The following DOCK1 variants were observed in gnomAD, a reference collection of about 807,000 sequenced individuals.
DOCK1 encodes dedicator of cytokinesis protein 1.
DOCK1 carries 138 observed loss-of-function variants against 262.7 expected under a neutral mutation model. The ratio of observed to expected loss-of-function variants is 0.53; its 90% CI spans 0.46 to 0.61. The LOEUF is 0.61. DOCK1 is among the 20% of genes least tolerant of loss of function. The pLI is 0.00. For missense variants in DOCK1, 1,908 were observed against 2,370.7 expected (o/e 0.80, Z 4.05); for synonymous variants, 866 against 867.4 (o/e 1.00, Z 0.03).
chr10:127,288,355 G>C (rs926697143), intron 29 of DOCK1, among the ~76,000 whole-genome samples: 2 of 152,120 alleles, frequency 1.3e-5, no homozygotes, highest in African/African-American at 4.8e-5. Flanking sequence ...AGAATATATA[G>C]TTGCTTTTAG....
intron 28 of DOCK1, among the ~76,000 whole-genome samples, chr10:127,249,432 TACACAC>T (rs376080330): frequency 0.42 from 41,027 of 96,804 alleles, 6,112 homozygotes; most frequent in South Asian, 0.6. Flanking sequence ...CATATATATA[TACACAC>T]ACACACACAC....
chr10:127,195,308 G>A (rs1430721652), intron 27 of DOCK1, among the ~76,000 whole-genome samples: 12 of 152,162 alleles, frequency 7.9e-5, no homozygotes, highest in Non-Finnish European at 2.9e-5. Context: ...CAGTCTCTTA[G>A]GTCTGCAGCG....
chr10:127,115,567 G>A (rs1417484986), intron 25 of DOCK1, among the ~76,000 whole-genome samples: 8 of 152,164 alleles, frequency 5.3e-5, no homozygotes, highest in Admixed American at 4.6e-4. Context: ...GCTGACAAAA[G>A]CTGTGAAAAT....
At chr10:126,908,346 T>A (rs2031252503) in intron 1 of DOCK1, among the ~76,000 whole-genome samples, 2 of 152,162 alleles carry the variant, frequency 1.3e-5, no homozygotes, top group South Asian at 4.1e-4. Flanking sequence ...CCTTACCAAC[T>A]CCAGCATTTT....
At chr10:126,994,586 G>T (rs908624486) in intron 6 of DOCK1, among the ~76,000 whole-genome samples, 1 of 152,184 alleles carries the variant, frequency 6.6e-6, no homozygotes, top group African/African-American at 2.4e-5. Flanking sequence ...CCCTTAATCC[G>T]TTTAACCCTG....
chr10:127,282,303 G>A (rs1418539400), intron 29 of DOCK1, among the ~76,000 whole-genome samples: 3 of 151,972 alleles, frequency 2.0e-5, no homozygotes, highest in South Asian at 2.1e-4. Context: ...AGTCCTGTTG[G>A]GGGAGTCCCA....
rs761987434 is a variant in DOCK1, at chr10:127,409,157, A to G, written c.4243A>G (p.Ile1415Val). 1.2e-5 allele frequency: 20 copies of G among 1,613,492 alleles called. No individual in the cohort carries two copies. In the African/African-American group the frequency reaches 1.9e-4, roughly 15 times the overall value. Residue 1415 changes from isoleucine to valine, a missense_variant, in exon 41 of 52, where the codon ATT (isoleucine) becomes GTT (valine). Around this residue, in one of 9 missense-constraint regions of DOCK1, gnomAD observed 267 missense variants for 366.3 expected, o/e 0.73. Coordinates refer to ENST00000623213, the MANE Select transcript of DOCK1 (RefSeq NM_001290223.2). ...GACAACATCTCCACCAGGCGACGAT[A>G]TTAAAAACTCTCCTGGCCAGTGTAT... ...MKTTSPPGDD[I>V]KNSPGQYIQC...
At chr10:126,975,016 A>G (rs1394271127) in intron 2 of DOCK1, among the ~76,000 whole-genome samples, 2 of 152,066 alleles carry the variant, frequency 1.3e-5, no homozygotes, top group East Asian at 1.9e-4. Flanking sequence ...TGCCTCCCAT[A>G]GAAAACCTTT....
intron 27 of DOCK1, among the ~76,000 whole-genome samples, chr10:127,191,552 A>G (rs1050701996): frequency 3.3e-5 from 5 of 152,234 alleles, no homozygotes; most frequent in African/African-American, 4.8e-5. Context: ...GGTATCTAAA[A>G]TGTAACCACT....
At chr10:127,095,220 G>A (rs571724094) in intron 23 of DOCK1, among the ~76,000 whole-genome samples, 17 of 152,232 alleles carry the variant, frequency 1.1e-4, no homozygotes, top group African/African-American at 3.9e-4. Context: ...TCTTTTTCAC[G>A]CCTCGTGCTT....
At chr10:127,021,131 T>TA (rs1453440171) in intron 13 of DOCK1, among the ~76,000 whole-genome samples, 1 of 152,182 alleles carries the variant, frequency 6.6e-6, no homozygotes, top group Non-Finnish European at 1.5e-5. Flanking sequence ...AATGAGGTCT[T>TA]ACTTCTGTGC....
At chr10:127,061,339 C>G (rs2045516239) in intron 22 of DOCK1, among the ~76,000 whole-genome samples, 1 of 152,210 alleles carries the variant, frequency 6.6e-6, no homozygotes, top group Non-Finnish European at 1.5e-5. Flanking sequence ...CATCCTCTTT[C>G]CCTCCTTCTC....
At chr10:127,154,286 A>G (rs993615883) in intron 27 of DOCK1, among the ~76,000 whole-genome samples, 1 of 152,248 alleles carries the variant, frequency 6.6e-6, no homozygotes, top group African/African-American at 2.4e-5. Context: ...TCCATGGCTT[A>G]TGTTTGCTCT....
chr10:127,018,493 A>G, intron 12 of DOCK1: 1 of 605,048 alleles, frequency 1.7e-6, no homozygotes. Context: ...TCTGTGAGTC[A>G]CCCTAGGGCA....
chr10:127,121,950 A>G (rs1033238365), intron 25 of DOCK1, among the ~76,000 whole-genome samples: 2 of 152,220 alleles, frequency 1.3e-5, no homozygotes, highest in Non-Finnish European at 2.9e-5. Flanking sequence ...GCCTTGGTTT[A>G]TGTGCTTGGA....
intron 23 of DOCK1, among the ~76,000 whole-genome samples, chr10:127,073,487 G>A (rs907280768): frequency 1.3e-5 from 2 of 152,200 alleles, no homozygotes; most frequent in African/African-American, 4.8e-5. Flanking sequence ...ATGTAGTTTG[G>A]GAGTCCAAGT....
intron 29 of DOCK1, among the ~76,000 whole-genome samples, chr10:127,280,332 C>G (rs905237515): frequency 2.6e-5 from 4 of 152,236 alleles, no homozygotes; most frequent in Admixed American, 1.3e-4. Flanking sequence ...CCGCGCCCGG[C>G]CTTCATATAT....
intron 23 of DOCK1, among the ~76,000 whole-genome samples, chr10:127,071,510 C>T (rs75473437): frequency 1.3e-5 from 2 of 152,184 alleles, no homozygotes; most frequent in African/African-American, 4.8e-5. Flanking sequence ...CCAAGTATTT[C>T]TATTGGTTTT....
At chr10:127,415,069 T>C (rs2068078321) in intron 43 of DOCK1, 83 bp from the exon 44 acceptor site, 2 of 1,305,556 alleles carry the variant, frequency 1.5e-6, no homozygotes, top group East Asian at 4.8e-5. Context: ...TTTGGAGTTA[T>C]TCTATAAATC....
Sources: allele counts gnomAD v4.1 joint callset (sites outside exome capture counted in the v4.1 genomes callset), GRCh38; gene constraint gnomAD v4.1.1; regional missense constraint gnomAD v4.1.1; transcripts MANE v1.5; gene names NCBI Gene and HGNC (gene_info 2026-07-23, HGNC 2026-07-21).